Variants in TBC1D15 observed in about 807,000 individuals in gnomAD.
The protein encoded by TBC1D15 is TBC1 domain family member 15.
Under a neutral mutation model 95.4 loss-of-function variants are expected in TBC1D15, and 39 were observed. The ratio of observed to expected loss-of-function variants is 0.41; its 90% confidence interval spans 0.32 to 0.53. The LOEUF is 0.53. Ranked by LOEUF, TBC1D15 falls within the 20% of genes least tolerant of loss-of-function variation. The pLI is 0.29. For missense variants in TBC1D15, 733 were observed against 794.3 expected (o/e 0.92, Z 0.93); for synonymous variants, 258 against 261.3 (o/e 0.99, Z 0.12).
At chr12:71,879,510 T>C (rs1007391103) in intron 3 of TBC1D15, among the ~76,000 whole-genome samples, 32 of 152,214 alleles carry the variant, frequency 2.1e-4, no homozygotes, top group African/African-American at 7.7e-4. Flanking sequence ...TGTATGTATG[T>C]GTTTAGAAAG....
At chr12:71,879,070 CAAGT>C (rs1467892200) in intron 3 of TBC1D15, among the ~76,000 whole-genome samples, 1 of 151,604 alleles carries the variant, frequency 6.6e-6, no homozygotes, top group Non-Finnish European at 1.5e-5. Flanking sequence ...TGCAAAAGTT[CAAGT>C]AATAGAAAGT....
intron 12 of TBC1D15, among the ~76,000 whole-genome samples, chr12:71,915,435 A>C (rs1459830680): frequency 9.0e-5 from 13 of 144,188 alleles, no homozygotes; most frequent in Non-Finnish European, 1.6e-4. Context: ...TTAAATTGCT[A>C]TAGTAGATAT....
chr12:71,873,100 A>T, intron 3 of TBC1D15, 97 bp downstream of exon 3: 1 of 806,396 alleles, frequency 1.2e-6, no homozygotes, highest in Non-Finnish European at 2.0e-6. Flanking sequence ...CATCCTTTTA[A>T]AGCATACAAT....
intron 5 of TBC1D15, among the ~76,000 whole-genome samples, chr12:71,890,731 C>T (rs189805389): frequency 6.6e-5 from 10 of 152,266 alleles, no homozygotes; most frequent in East Asian, 1.9e-4. Flanking sequence ...GCCATCTTGA[C>T]GCTTAATATT....
chr12:71,893,309 A>G lies in TBC1D15; in HGVS notation c.642A>G (p.Ala214=), dbSNP rs141136684. The G allele has an allele frequency of 3.6e-4, 579 of 1,608,024 alleles. 8 individuals carry two copies. In the East Asian group the frequency reaches 0.011, roughly 31 times the overall value. The change falls in exon 6 of 17, where the codon GCA becomes GCG. Residue 214 remains alanine, a synonymous_variant. Coordinates refer to ENST00000485960, the MANE Select transcript of TBC1D15 (RefSeq NM_001146213.3). Reference sequence around the variant, plus strand: ...TTGAAAATCTTCTTGATGAGCCAGCATATGGTTTAATACAAGTATGTTCCT... The same window carrying G: ...TTGAAAATCTTCTTGATGAGCCAGCGTATGGTTTAATACAAGTATGTTCCT... The part of the protein sequence containing the change: ...QSFENLLDEP[A]YGLIQKIKKD...
intron 1 of TBC1D15, among the ~76,000 whole-genome samples, chr12:71,865,726 A>G (rs1184992220): frequency 1.3e-5 from 2 of 152,108 alleles, no homozygotes; most frequent in Non-Finnish European, 2.9e-5. Context: ...TGGGCTATCT[A>G]GCTCAGCATG....
At position 71,921,430 on chromosome 12, in the gene TBC1D15, T is replaced by C. The variant is rs747638507; in HGVS notation, c.1779T>C (p.Ile593=). 3.8e-6 allele frequency: 6 copies of C among 1,569,024 alleles called. No individual in the cohort carries two copies. Among genetic ancestry groups the C allele is most frequent in the Non-Finnish European group, 5.2e-6 (6 of 1,151,528 alleles). ...ATATACTCTGCAAGGCAGAAGCAAT[T>C]TCTCTACAGATGGTAAAATGCAAGG... ...VEDILCKAEA[I]SLQMVKCKEL... The change falls in exon 16 of 17, where the codon ATT becomes ATC. Residue 593 remains isoleucine (I), a synonymous_variant. Transcript: ENST00000485960.
In TBC1D15 at chr12:71,920,817, A is replaced by G. The variant is rs752096482; in HGVS notation, c.1686A>G (p.Glu562=). The G allele has an allele frequency of 1.2e-5, 20 of 1,611,622 alleles. 1 individual carries two copies. In the South Asian group the frequency reaches 1.8e-4, roughly 14 times the overall value. Residue 562 remains glutamate, a synonymous_variant, in exon 15 of 17, where the codon GAA becomes GAG. Transcript: ENST00000485960. ...AATCAGAAAAGCAGCAAATAATGGAAAAGCATTATGGCTTCAATGAAATAC... is the reference window on the plus strand; with the variant it reads ...AATCAGAAAAGCAGCAAATAATGGAGAAGCATTATGGCTTCAATGAAATAC... ...ILESEKQQIM[E]KHYGFNEILK... is the part of the protein sequence containing the mutation.
Position 71,916,395 on chromosome 12 carries a change from T to G in TBC1D15, c.1402-1303T>G, listed in dbSNP as rs531132753. On this transcript the variant is annotated intron_variant, in intron 12 of 16. Coordinates refer to ENST00000485960, the MANE Select transcript of TBC1D15 (RefSeq NM_001146213.3). ...TGTGTCACAGCAAAAATGATCCTGT[T>G]AATCAGAGTTGATTCTGCCCCTTCT... Among the ~76,000 whole-genome samples, 8 of 152,324 alleles carry G rather than the reference T, an allele frequency of 5.3e-5. No individual in the cohort carries two copies. In the South Asian group the frequency reaches 1.7e-3, roughly 32 times the overall value.
At chr12:71,898,938 T>G (rs943124016) in intron 10 of TBC1D15, among the ~76,000 whole-genome samples, 1 of 152,218 alleles carries the variant, frequency 6.6e-6, no homozygotes, top group Non-Finnish European at 1.5e-5. Flanking sequence ...ACTTTGTCCT[T>G]TCTCTGATTA....
chr12:71,913,813 C>G lies in TBC1D15; in HGVS notation c.1301-13C>G, dbSNP rs751792966. ...CTTGGGTTTTCAGAGATGATTTTTT[C>G]TTTTCTTTTTAGGATATGTTCAAGG... is the stretch of plus-strand genomic sequence containing the variant. On this transcript the variant is annotated splice_polypyrimidine_tract_variant and intron_variant, in intron 11 of 16. Transcript: ENST00000485960. 1 of 1,549,818 alleles carries G rather than the reference C, an allele frequency of 6.5e-7. No individual in the cohort carries two copies. Among genetic ancestry groups the G allele is most frequent in the Non-Finnish European group, 8.7e-7 (1 of 1,153,080 alleles).
chr12:71,880,242 A>G (rs1431921887), intron 3 of TBC1D15, among the ~76,000 whole-genome samples: 2 of 150,786 alleles, frequency 1.3e-5, no homozygotes, highest in Non-Finnish European at 2.9e-5. Context: ...TTCTGCTTAT[A>G]TTTCATTGGC....
At chr12:71,865,947 G>T (rs57648605) in intron 1 of TBC1D15, among the ~76,000 whole-genome samples, 4,183 of 152,098 alleles carry the variant, frequency 0.028, 196 homozygotes, top group African/African-American at 0.094. Context: ...TACTGCTCTG[G>T]GTGGCCAAGG....
chr12:71,875,731 TG>T (rs1204435817), intron 3 of TBC1D15, among the ~76,000 whole-genome samples: 3 of 152,114 alleles, frequency 2.0e-5, no homozygotes, highest in African/African-American at 7.2e-5. Context: ...AATTCTGTTA[TG>T]TTTTTGTGCT....
chr12:71,901,078 T>G (rs1343285416), intron 10 of TBC1D15, among the ~76,000 whole-genome samples: 1 of 152,206 alleles, frequency 6.6e-6, no homozygotes, highest in Non-Finnish European at 1.5e-5. Context: ...TCACCCAGGC[T>G]GGAGTGCAGT....
At chr12:71,890,782 A>G (rs1023864569) in intron 5 of TBC1D15, among the ~76,000 whole-genome samples, 1 of 152,206 alleles carries the variant, frequency 6.6e-6, no homozygotes, top group Non-Finnish European at 1.5e-5. Flanking sequence ...ACAAATTGTC[A>G]TATTTGTTCA....
chr12:71,874,870 G>C (rs980004160), intron 3 of TBC1D15, among the ~76,000 whole-genome samples: 2 of 151,910 alleles, frequency 1.3e-5, no homozygotes, highest in Non-Finnish European at 2.9e-5. Flanking sequence ...TGATCTGCCC[G>C]CCTCTGCCTC....
At chr12:71,899,250 T>G (rs1037445575) in intron 10 of TBC1D15, among the ~76,000 whole-genome samples, 2 of 152,196 alleles carry the variant, frequency 1.3e-5, no homozygotes, top group African/African-American at 4.8e-5. Context: ...TAGGAAAATT[T>G]AGATATTTAA....
chr12:71,903,397 G>T (rs971345835), intron 10 of TBC1D15, among the ~76,000 whole-genome samples: 3 of 152,180 alleles, frequency 2.0e-5, no homozygotes, highest in African/African-American at 7.2e-5. Context: ...AGAGAAAAGG[G>T]AATGCTTATA....
Sources: allele counts gnomAD v4.1 joint callset (sites outside exome capture counted in the v4.1 genomes callset), GRCh38; gene constraint gnomAD v4.1.1; transcripts MANE v1.5; gene names NCBI Gene and HGNC (gene_info 2026-07-23, HGNC 2026-07-21).